PHKB: variants seen among roughly 807,000 people sequenced by gnomAD.
PHKB encodes the protein phosphorylase kinase regulatory subunit beta.
In PHKB, 122 loss-of-function variants were observed where a neutral mutation model predicts 152.1. The observed-to-expected ratio is 0.80, with a 90% CI of 0.69 to 0.93. The LOEUF (loss-of-function observed/expected upper bound fraction) is 0.93. Among genes scored for constraint, PHKB ranks in the 40% least tolerant of loss-of-function variants. The pLI is 0.00. For missense variants in PHKB, 1,304 were observed against 1,328.4 expected (o/e 0.98, Z 0.29); for synonymous variants, 436 against 464.9 (o/e 0.94, Z 0.80).
intron 6 of PHKB, among the ~76,000 whole-genome samples, chr16:47,530,082 G>C (rs1970834842): frequency 6.7e-6 from 1 of 150,360 alleles, no homozygotes; most frequent in Admixed American, 6.6e-5. Flanking sequence ...ATTAGAATCA[G>C]ACCCTTTAGT....
chr16:47,579,674 A>T (rs2151692240), intron 7 of PHKB, among the ~76,000 whole-genome samples: 1 of 152,306 alleles, frequency 6.6e-6, no homozygotes, highest in East Asian at 1.9e-4. Context: ...GCACTATAGT[A>T]TATGGCATTT....
At chr16:47,613,607 G>A (rs1170418556) in intron 14 of PHKB, among the ~76,000 whole-genome samples, 3 of 152,048 alleles carry the variant, frequency 2.0e-5, no homozygotes, top group Non-Finnish European at 4.4e-5. Flanking sequence ...TTTCTCAAAT[G>A]TTTTCTGTTT....
intron 1 of PHKB, among the ~76,000 whole-genome samples, chr16:47,474,655 T>C (rs949762101): frequency 6.6e-6 from 1 of 152,196 alleles, no homozygotes; most frequent in Non-Finnish European, 1.5e-5. Context: ...ATCTGATGAT[T>C]GATAAGTTAT....
chr16:47,610,492 C>T (rs1470022136), intron 13 of PHKB, among the ~76,000 whole-genome samples: 1 of 151,960 alleles, frequency 6.6e-6, no homozygotes, highest in Non-Finnish European at 1.5e-5. Flanking sequence ...TATATTTTCT[C>T]ATTTCCCTTT....
chr16:47,596,569 G>T lies in PHKB; in HGVS notation c.1363+38G>T, dbSNP rs565212463. 7.9e-5 allele frequency: 125 copies of T among 1,583,810 alleles called. 3 individuals are homozygous for T. The South Asian group carries it at 1.3e-3, about 16-fold the overall frequency. On this transcript the variant is annotated intron_variant, in intron 13 of 30. Transcript: ENST00000323584. Reference sequence around the variant, plus strand: ...GATTGGGAATGGTATTTTTTTCCTTGTTATTAAGCTATTAGAAATAAATAT... The same window carrying T: ...GATTGGGAATGGTATTTTTTTCCTTTTTATTAAGCTATTAGAAATAAATAT...
intron 1 of PHKB, among the ~76,000 whole-genome samples, chr16:47,495,187 C>G (rs1378164985): frequency 6.7e-6 from 1 of 149,150 alleles, no homozygotes; most frequent in Non-Finnish European, 1.5e-5. Context: ...TCTAACAGAA[C>G]TCCTTTTTTT....
At chr16:47,609,443 G>A (rs547695271) in intron 13 of PHKB, among the ~76,000 whole-genome samples, 2 of 115,744 alleles carry the variant, frequency 1.7e-5, no homozygotes, top group Admixed American at 8.8e-5. Context: ...TTGTGGGTGG[G>A]GGGGGGGCAC....
At chr16:47,465,259 G>T (rs193009804) in intron 1 of PHKB, among the ~76,000 whole-genome samples, 1 of 152,246 alleles carries the variant, frequency 6.6e-6, no homozygotes, top group Admixed American at 6.5e-5. Context: ...TTCCTTATAA[G>T]CACCAAGCTC....
intron 9 of PHKB, 113 bp from the exon 10 acceptor site, chr16:47,588,792 T>C (rs898961991): frequency 1.2e-6 from 1 of 834,456 alleles, no homozygotes; most frequent in Admixed American, 1.9e-5. Flanking sequence ...GAGCAGAGCG[T>C]GCTCACTTTT....
At chr16:47,540,782 T>G (rs932910009) in intron 6 of PHKB, among the ~76,000 whole-genome samples, 1 of 151,578 alleles carries the variant, frequency 6.6e-6, no homozygotes, top group African/African-American at 2.4e-5. Context: ...TCAAATGTTA[T>G]CTAATTATTC....
intron 7 of PHKB, among the ~76,000 whole-genome samples, chr16:47,564,052 CA>C (rs1224012848): frequency 6.4e-5 from 9 of 139,714 alleles, no homozygotes; most frequent in African/African-American, 2.4e-4. Context: ...GTGTTTGTCA[CA>C]TTTTTTTTTA....
intron 26 of PHKB, among the ~76,000 whole-genome samples, chr16:47,685,045 A>G (rs1222987941): frequency 6.6e-6 from 1 of 151,928 alleles, no homozygotes; most frequent in East Asian, 1.9e-4. Flanking sequence ...GACCTTCCAC[A>G]TTTTCTTTCT....
At chr16:47,685,231 C>G (rs1973941986) in intron 26 of PHKB, among the ~76,000 whole-genome samples, 1 of 152,184 alleles carries the variant, frequency 6.6e-6, no homozygotes, top group African/African-American at 2.4e-5. Flanking sequence ...TCAAGACCAG[C>G]CTGTCCAACA....
chr16:47,546,847 A>G (rs1167468903), intron 6 of PHKB, among the ~76,000 whole-genome samples: 1 of 152,032 alleles, frequency 6.6e-6, no homozygotes, highest in Non-Finnish European at 1.5e-5. Flanking sequence ...GCTGCCGTGC[A>G]GTTCGATCTC....
chr16:47,588,875 C>T (rs1208091298), intron 9 of PHKB, 30 bp from the exon 10 acceptor site: 1 of 1,578,320 alleles, frequency 6.3e-7, no homozygotes, highest in South Asian at 1.1e-5. Flanking sequence ...GCTGTGGACA[C>T]TCACAGTCTC....
chr16:47,569,514 G>A (rs1971622813), intron 7 of PHKB, among the ~76,000 whole-genome samples: 1 of 152,168 alleles, frequency 6.6e-6, no homozygotes, highest in African/African-American at 2.4e-5. Flanking sequence ...TTCGAAAATA[G>A]TATTGATATG....
intron 10 of PHKB, among the ~76,000 whole-genome samples, chr16:47,592,847 A>T (rs1042498019): frequency 3.9e-5 from 6 of 152,214 alleles, no homozygotes; most frequent in African/African-American, 9.6e-5. Context: ...CTGAGGAAAA[A>T]TTTTTTTAAA....
rs1044322686 is a variant in PHKB at position 47,661,740 on chromosome 16, C to T, written c.2218C>T (p.Gln740Ter). The T allele has an allele frequency of 1.9e-6, 3 of 1,613,110 alleles. No individual in the cohort carries two copies. The highest frequency in any genetic ancestry group is 2.5e-6 in the Non-Finnish European group (3 of 1,179,174). The change falls in exon 23 of 31, where the codon CAA becomes TAA. Residue 740 changes from glutamine (Q) to a stop codon, truncating the protein, a stop_gained. Coordinates refer to ENST00000323584, the MANE Select transcript of PHKB (RefSeq NM_000293.3). LOFTEE classifies it high-confidence loss of function. Reference sequence around the variant, plus strand: ...TCAGGATTGCAGTTGTCTGGCTAGCCAAGCCATCCTGCTGGGTATACTGCT... The same window carrying T: ...TCAGGATTGCAGTTGTCTGGCTAGCTAAGCCATCCTGCTGGGTATACTGCT... ...KLNDCSCLAS[Q>*]AILLGILLKR...
intron 6 of PHKB, among the ~76,000 whole-genome samples, chr16:47,545,243 T>C (rs924315770): frequency 6.6e-6 from 1 of 152,206 alleles, no homozygotes; most frequent in African/African-American, 2.4e-5. Flanking sequence ...GTTGTTCCTT[T>C]CCATGTTTAG....
Sources: gnomAD v4.1 joint callset for allele counts (sites outside exome capture counted in the v4.1 genomes callset) on GRCh38, gnomAD v4.1.1 for gene constraint, MANE v1.5 for transcripts, NCBI Gene and HGNC (gene_info 2026-07-23, HGNC 2026-07-21) for gene names.